The following CDC42BPA variants were observed in gnomAD, a reference collection of about 807,000 sequenced individuals.
CDC42BPA encodes serine/threonine-protein kinase MRCK alpha.
Under a neutral mutation model 223.5 loss-of-function variants are expected in CDC42BPA, and 80 were observed. The observed-to-expected ratio is 0.36, with a 90% CI of 0.30 to 0.43. The LOEUF (loss-of-function observed/expected upper bound fraction) is 0.43, where lower values mean the gene tolerates loss of function less well. Among genes scored for constraint, CDC42BPA ranks in the 20% least tolerant of loss-of-function variants. The pLI is 1.00. For missense variants in CDC42BPA, 1,743 were observed against 2,099.9 expected, an observed-to-expected ratio of 0.83 and a Z score of 3.32; for synonymous variants, 694 against 718.6, an observed-to-expected ratio of 0.97 and a Z score of 0.55.
chr1:227,173,163 C>T (rs1488856721), intron 5 of CDC42BPA, among the ~76,000 whole-genome samples: 1 of 152,182 alleles, frequency 6.6e-6, no homozygotes, highest in Non-Finnish European at 1.5e-5. Context: ...CCAGAAGTTT[C>T]GTTCAATTAC....
rs1326926834 is a variant in CDC42BPA at position 227,017,046 on chromosome 1, C to G, written c.4620G>C (p.Gly1540=). 1 of 1,606,414 alleles carries G rather than the reference C, an allele frequency of 6.2e-7. No homozygotes were observed. Among genetic ancestry groups the G allele is most frequent in the African/African-American group, 1.3e-5 (1 of 74,506 alleles). The change falls in exon 33 of 37, where the codon GGG becomes GGC. Residue 1540 remains glycine, a synonymous_variant. Transcript: ENST00000366766. ...ATGTTTCAGGTACTACCAGTTCGTC[C>G]CCTTCTGTTAAAATAAAAATACAAA... The part of the protein sequence containing the change: ...LIYFKNKMAE[G]DELVVPETSD...
At chr1:227,146,794 C>T (rs138306732) in intron 7 of CDC42BPA, among the ~76,000 whole-genome samples, 2,535 of 152,196 alleles carry the variant, frequency 0.017, 31 homozygotes, top group Non-Finnish European at 0.027. Flanking sequence ...GATTCCTAGA[C>T]TGAAGTTGCT....
intron 11 of CDC42BPA, among the ~76,000 whole-genome samples, chr1:227,123,076 GCAGAT>G (rs1688942284): frequency 6.6e-6 from 1 of 152,202 alleles, no homozygotes; most frequent in South Asian, 2.1e-4. Context: ...GCCGAGGCTG[GCAGAT>G]CACCTTAGGC....
At chr1:227,204,801 T>G (rs1281067069) in intron 3 of CDC42BPA, among the ~76,000 whole-genome samples, 1 of 152,154 alleles carries the variant, frequency 6.6e-6, no homozygotes, top group Non-Finnish European at 1.5e-5. Flanking sequence ...TGAAATGTAT[T>G]GACAGTTTGA....
chr1:227,101,954 C>T, intron 14 of CDC42BPA, among the ~76,000 whole-genome samples: 1 of 152,118 alleles, frequency 6.6e-6, no homozygotes, highest in African/African-American at 2.4e-5. Flanking sequence ...CAGAAACATA[C>T]AGACTACAGA....
intron 11 of CDC42BPA, among the ~76,000 whole-genome samples, chr1:227,127,030 T>C (rs1689797392): frequency 6.6e-6 from 1 of 152,166 alleles, no homozygotes; most frequent in African/African-American, 2.4e-5. Context: ...AAGAATCTAT[T>C]TTTTAAAAAC....
intron 23 of CDC42BPA, among the ~76,000 whole-genome samples, chr1:227,041,870 A>G (rs1171653565): frequency 6.6e-6 from 1 of 152,234 alleles, no homozygotes; most frequent in Non-Finnish European, 1.5e-5. Flanking sequence ...GTCAGGGTAC[A>G]GACACTGTAC....
intron 1 of CDC42BPA, among the ~76,000 whole-genome samples, chr1:227,276,455 G>C (rs1364090859): frequency 2.0e-5 from 3 of 151,756 alleles, no homozygotes; most frequent in Non-Finnish European, 4.4e-5. Flanking sequence ...GGAGGTCGGG[G>C]GGCAGCCCCC....
intron 15 of CDC42BPA, among the ~76,000 whole-genome samples, chr1:227,100,747 A>AGTGTGTGTGTGTGGGTGTGTGT (rs1684879934): frequency 7.3e-6 from 1 of 137,326 alleles, no homozygotes; most frequent in African/African-American, 2.7e-5. Context: ...ATACCCAGCT[A>AGTGTGTGTGTGTGGGTGTGTGT]GTGTGTGTGT....
chr1:227,000,856 C>G (rs931327053), intron 35 of CDC42BPA, among the ~76,000 whole-genome samples: 1 of 150,924 alleles, frequency 6.6e-6, no homozygotes, highest in African/African-American at 2.4e-5. Flanking sequence ...TTTGATTGAA[C>G]AGCAAAAGGA....
chr1:227,277,843 T>C (rs1288473010), intron 1 of CDC42BPA, among the ~76,000 whole-genome samples: 1 of 152,170 alleles, frequency 6.6e-6, no homozygotes, highest in African/African-American at 2.4e-5. Context: ...TCCACCTCCA[T>C]GGTTCACATC....
chr1:227,026,250 C>A (rs1668222375), intron 30 of CDC42BPA, 98 bp from the exon 31 acceptor site: 4 of 642,022 alleles, frequency 6.2e-6, no homozygotes, highest in Admixed American at 3.1e-5. Context: ...AGAGTGGAAT[C>A]CCACCCAAAT....
At chr1:227,198,665 C>G (rs1347758975) in intron 4 of CDC42BPA, among the ~76,000 whole-genome samples, 1 of 151,868 alleles carries the variant, frequency 6.6e-6, no homozygotes, top group African/African-American at 2.4e-5. Flanking sequence ...TTGCATAAAC[C>G]TTTATTTTTT....
intron 5 of CDC42BPA, among the ~76,000 whole-genome samples, chr1:227,180,812 T>G (rs1667804280): frequency 6.6e-6 from 1 of 152,214 alleles, no homozygotes; most frequent in African/African-American, 2.4e-5. Context: ...CTAGTAGGAT[T>G]CTGTGTCTTA....
intron 1 of CDC42BPA, among the ~76,000 whole-genome samples, chr1:227,275,836 G>A (rs973277520): frequency 6.6e-6 from 1 of 152,206 alleles, no homozygotes; most frequent in African/African-American, 2.4e-5. Flanking sequence ...GCTCCTAACC[G>A]CGAGTGATCT....
chr1:227,268,753 C>T (rs1419247582), intron 1 of CDC42BPA, among the ~76,000 whole-genome samples: 1 of 150,626 alleles, frequency 6.6e-6, no homozygotes, highest in African/African-American at 2.4e-5. Flanking sequence ...TGGCGTGATC[C>T]CGGTTCACTG....
chr1:227,199,242 AG>A (rs1358075852), intron 4 of CDC42BPA, among the ~76,000 whole-genome samples: 13 of 152,230 alleles, frequency 8.5e-5, no homozygotes, highest in Non-Finnish European at 1.5e-4. Context: ...AACAGGAACA[AG>A]GGAAGAGGAA....
chr1:227,176,525 TAC>T (rs1370718598), intron 5 of CDC42BPA, among the ~76,000 whole-genome samples: 6 of 152,214 alleles, frequency 3.9e-5, no homozygotes, highest in Admixed American at 3.9e-4. Context: ...TACCTACTTT[TAC>T]AGTTATACTA....
intron 1 of CDC42BPA, among the ~76,000 whole-genome samples, chr1:227,308,509 CAAAAAAAAAA>C (rs34849679): frequency 2.2e-5 from 2 of 89,782 alleles, no homozygotes; most frequent in African/African-American, 8.4e-5. Flanking sequence ...GACTGTATCT[CAAAAAAAAAA>C]AAAAAAAAAC....
Sources: allele counts gnomAD v4.1 joint callset (sites outside exome capture counted in the v4.1 genomes callset), GRCh38; gene constraint gnomAD v4.1.1; transcripts MANE v1.5; gene names NCBI Gene and HGNC (gene_info 2026-07-23, HGNC 2026-07-21).